CNTN4: variants seen among roughly 807,000 people sequenced by gnomAD.
CNTN4 encodes contactin-4.
CNTN4 carries 77 observed loss-of-function variants against 122.5 expected under a neutral mutation model. That is an observed-to-expected ratio of 0.63 (90% CI 0.52 to 0.76). The LOEUF (loss-of-function observed/expected upper bound fraction) is 0.76. CNTN4 is among the 30% of genes least tolerant of loss of function. The pLI, the probability that CNTN4 is intolerant of heterozygous loss-of-function variation, is 0.00. For synonymous variants in CNTN4, 512 were observed against 447.0 expected, an observed-to-expected ratio of 1.15 and a Z score of -1.83; for missense variants, 1,256 against 1,259.1, an observed-to-expected ratio of 1.00 and a Z score of 0.04.
At chr3:2,100,049 G>T (rs777786429) in intron 1 of CNTN4, among the ~76,000 whole-genome samples, 1 of 152,204 alleles carries the variant, frequency 6.6e-6, no homozygotes, top group Non-Finnish European at 1.5e-5. Flanking sequence ...TTGCTTGCTG[G>T]CCAGGGTCTG....
At chr3:2,540,101 G>A (rs2077974086) in intron 3 of CNTN4, among the ~76,000 whole-genome samples, 1 of 151,446 alleles carries the variant, frequency 6.6e-6, no homozygotes, top group South Asian at 2.1e-4. Flanking sequence ...GTGTGTATCA[G>A]CAAATATTTT....
intron 3 of CNTN4, among the ~76,000 whole-genome samples, chr3:2,428,460 T>C (rs917909640): frequency 4.6e-5 from 7 of 152,338 alleles, no homozygotes; most frequent in African/African-American, 1.4e-4. Flanking sequence ...TCTGATGGGC[T>C]TCTCTTAGCG....
At chr3:2,928,083 A>T (rs1042866259) in intron 13 of CNTN4, among the ~76,000 whole-genome samples, 1 of 152,246 alleles carries the variant, frequency 6.6e-6, no homozygotes, top group Non-Finnish European at 1.5e-5. Context: ...CCACTCAGCC[A>T]TATGGAGACA....
At chr3:2,710,308 T>C (rs1576533783) in intron 4 of CNTN4, among the ~76,000 whole-genome samples, 1 of 152,146 alleles carries the variant, frequency 6.6e-6, no homozygotes, top group South Asian at 2.1e-4. Context: ...CTTGGCCAAA[T>C]GTAAGAAGCA....
intron 4 of CNTN4, among the ~76,000 whole-genome samples, chr3:2,633,949 A>G (rs1242044768): frequency 6.6e-6 from 1 of 152,238 alleles, no homozygotes; most frequent in Non-Finnish European, 1.5e-5. Flanking sequence ...CATTGTTGAT[A>G]TTGTAGATGA....
chr3:2,639,440 A>G (rs1047644462), intron 4 of CNTN4, among the ~76,000 whole-genome samples: 2 of 152,172 alleles, frequency 1.3e-5, no homozygotes, highest in African/African-American at 4.8e-5. Flanking sequence ...TAATGAAGCT[A>G]TTCTAAACAC....
intron 2 of CNTN4, among the ~76,000 whole-genome samples, chr3:2,231,662 AT>A (rs1391367774): frequency 6.6e-6 from 1 of 152,210 alleles, no homozygotes; most frequent in Non-Finnish European, 1.5e-5. Context: ...CAAATTGGTT[AT>A]TTTGGGTTAA....
chr3:2,497,971 C>T (rs1226408052), intron 3 of CNTN4, among the ~76,000 whole-genome samples: 1 of 152,024 alleles, frequency 6.6e-6, no homozygotes, highest in Non-Finnish European at 1.5e-5. Context: ...TTCCACCCAC[C>T]CATAATCAAC....
intron 3 of CNTN4, among the ~76,000 whole-genome samples, chr3:2,412,386 G>A (rs1032266379): frequency 2.3e-4 from 35 of 151,940 alleles, no homozygotes; most frequent in Non-Finnish European, 1.5e-5. Flanking sequence ...CGAGTAGCTG[G>A]GATTACAGGT....
intron 3 of CNTN4, among the ~76,000 whole-genome samples, chr3:2,496,040 T>G (rs186960274): frequency 6.6e-6 from 1 of 152,268 alleles, no homozygotes; most frequent in East Asian, 1.9e-4. Context: ...AAATTAGACT[T>G]AAGAAGATAT....
At chr3:2,993,520 G>A (rs1225878101) in intron 14 of CNTN4, among the ~76,000 whole-genome samples, 2 of 151,036 alleles carry the variant, frequency 1.3e-5, no homozygotes, top group African/African-American at 2.4e-5. Flanking sequence ...GGCTGGTTTC[G>A]AACTCCTGAC....
intron 14 of CNTN4, 66 bp from the exon 15 acceptor site, chr3:3,026,036 A>G: frequency 1.4e-6 from 2 of 1,462,004 alleles, no homozygotes; most frequent in Non-Finnish European, 1.9e-6. Flanking sequence ...TGGAGTCTAC[A>G]TTGTATTTCC....
chr3:2,817,909 A>T (rs1391883724), intron 6 of CNTN4, among the ~76,000 whole-genome samples: 3 of 152,276 alleles, frequency 2.0e-5, no homozygotes, highest in African/African-American at 7.2e-5. Flanking sequence ...ATTTCCATAA[A>T]GACAAGAAAA....
chr3:2,715,308 C>A (rs998916194), intron 4 of CNTN4, among the ~76,000 whole-genome samples: 4 of 152,004 alleles, frequency 2.6e-5, no homozygotes, highest in African/African-American at 9.7e-5. Flanking sequence ...AAAGTAAAAG[C>A]CAGGAGCCTA....
chr3:2,360,048 A>G (rs1288272255), intron 3 of CNTN4, among the ~76,000 whole-genome samples: 1 of 152,240 alleles, frequency 6.6e-6, no homozygotes, highest in East Asian at 1.9e-4. Context: ...ATTATCTGCC[A>G]GATCTTCTCA....
chr3:2,580,191 A>G (rs2079873982), intron 4 of CNTN4, among the ~76,000 whole-genome samples: 1 of 152,174 alleles, frequency 6.6e-6, no homozygotes, highest in African/African-American at 2.4e-5. Flanking sequence ...TGCTATTAAT[A>G]TCATCATTAG....
intron 3 of CNTN4, among the ~76,000 whole-genome samples, chr3:2,383,035 A>T (rs907936216): frequency 1.3e-5 from 2 of 151,912 alleles, no homozygotes; most frequent in Non-Finnish European, 2.9e-5. Flanking sequence ...AGATTGTGCC[A>T]CTGCACTCCA....
At chr3:2,376,842 G>C (rs1489280441) in intron 3 of CNTN4, among the ~76,000 whole-genome samples, 1 of 152,144 alleles carries the variant, frequency 6.6e-6, no homozygotes, top group Non-Finnish European at 1.5e-5. Flanking sequence ...TAAGGCACCA[G>C]CTGAATTAAC....
At chr3:2,528,435 G>A (rs2077479714) in intron 3 of CNTN4, among the ~76,000 whole-genome samples, 1 of 152,080 alleles carries the variant, frequency 6.6e-6, no homozygotes, top group Non-Finnish European at 1.5e-5. Context: ...TTATACACCA[G>A]AGATCAAATC....
Sources: allele counts gnomAD v4.1 joint callset (sites outside exome capture counted in the v4.1 genomes callset), GRCh38; gene constraint gnomAD v4.1.1; transcripts MANE v1.5; gene names NCBI Gene and HGNC (gene_info 2026-07-23, HGNC 2026-07-21).